The following IQSEC1 variants were observed in gnomAD, a reference collection of about 807,000 sequenced individuals.
IQSEC1 encodes IQ motif and Sec7 domain ArfGEF 1.
In IQSEC1, 31 loss-of-function variants were observed where a neutral mutation model predicts 91.0. The ratio of observed to expected loss-of-function variants is 0.34; its 90% confidence interval spans 0.26 to 0.46. The LOEUF (loss-of-function observed/expected upper bound fraction) is 0.46. IQSEC1 is among the 20% of genes least tolerant of loss of function. IQSEC1 has a pLI of 1.00. For synonymous variants in IQSEC1, 699 were observed against 662.6 expected (o/e 1.05, Z -0.84); for missense variants, 1,388 against 1,575.6 (o/e 0.88, Z 2.02).
intron 2 of IQSEC1, among the ~76,000 whole-genome samples, chr3:13,120,703 C>T (rs1706410203): frequency 6.6e-6 from 1 of 152,176 alleles, no homozygotes; most frequent in African/African-American, 2.4e-5. Flanking sequence ...GACGGGCTGG[C>T]CAGGTAGAGA....
At chr3:13,104,218 T>C (rs557593) in intron 2 of IQSEC1, among the ~76,000 whole-genome samples, 55,601 of 151,952 alleles carry the variant, frequency 0.37, 10,750 homozygotes, top group South Asian at 0.54. Context: ...GAATAAATGG[T>C]GACTTCTGCA....
At chr3:13,145,408 C>T (rs1453167595) in intron 2 of IQSEC1, among the ~76,000 whole-genome samples, 1 of 152,208 alleles carries the variant, frequency 6.6e-6, no homozygotes, top group Non-Finnish European at 1.5e-5. Context: ...CCAACCATCA[C>T]ATCTGCAGTC....
intron 1 of IQSEC1, among the ~76,000 whole-genome samples, chr3:12,961,989 A>G (rs1342661354): frequency 1.3e-5 from 2 of 152,218 alleles, no homozygotes; most frequent in Admixed American, 6.5e-5. Flanking sequence ...ATTGGGCTAA[A>G]CATCCTGCAT....
rs903060761 is a variant in IQSEC1 at position 12,983,653 on chromosome 3, C to T, written c.24-41788G>A. ...CTTCTTGGCTCAGCTCCTTCAGGGA[C>T]GCCTGGGCTGACCTCACAGGCCACG... On this transcript the variant is annotated intron_variant, in intron 1 of 13. Coordinates refer to ENST00000613206, the MANE Select transcript of IQSEC1 (RefSeq NM_001134382.3). The surrounding 1 kb of genome is among the most constrained non-coding windows in gnomAD (Gnocchi z 4.3). Among the ~76,000 whole-genome samples, 2 of 152,154 alleles carry T rather than the reference C, an allele frequency of 1.3e-5. No homozygotes were observed. Among genetic ancestry groups the T allele is most frequent in the African/African-American group, 4.8e-5 (2 of 41,428 alleles).
At chr3:12,957,956 A>G (rs1158942542) in intron 1 of IQSEC1, among the ~76,000 whole-genome samples, 1 of 152,168 alleles carries the variant, frequency 6.6e-6, no homozygotes, top group Non-Finnish European at 1.5e-5. Flanking sequence ...GTACTATATC[A>G]TCTTCCCATT....
chr3:13,130,979 AAGAG>A (rs1373789545), intron 2 of IQSEC1, among the ~76,000 whole-genome samples: 4 of 147,474 alleles, frequency 2.7e-5, no homozygotes, highest in Admixed American at 6.8e-5. Flanking sequence ...GAAGGAAAGA[AAGAG>A]AGAGAGAAAG....
intron 2 of IQSEC1, among the ~76,000 whole-genome samples, chr3:13,084,870 A>G (rs899675241): frequency 2.6e-5 from 4 of 151,554 alleles, no homozygotes; most frequent in Non-Finnish European, 5.9e-5. Context: ...TCCTGCCCTG[A>G]GAAAGTGATA....
intron 1 of IQSEC1, among the ~76,000 whole-genome samples, chr3:13,231,637 T>C (rs1021241295): frequency 6.6e-6 from 1 of 152,210 alleles, no homozygotes; most frequent in African/African-American, 2.4e-5. Flanking sequence ...TAGACACTAT[T>C]ATTCTCTATA....
intron 1 of IQSEC1, among the ~76,000 whole-genome samples, chr3:13,070,310 ATCGACAGTATCACAT>A: frequency 6.6e-6 from 1 of 152,298 alleles, no homozygotes. Flanking sequence ...GTAAAACGGG[ATCGACAGTATCACAT>A]TTTACAGCAG....
chr3:12,989,248 A>C (rs1701881709), intron 1 of IQSEC1, among the ~76,000 whole-genome samples: 1 of 152,224 alleles, frequency 6.6e-6, no homozygotes, highest in Non-Finnish European at 1.5e-5. Flanking sequence ...CCCCAGCACC[A>C]AACTGAAAAT....
chr3:13,192,640 C>T (rs1475747064), intron 1 of IQSEC1, among the ~76,000 whole-genome samples: 1 of 152,248 alleles, frequency 6.6e-6, no homozygotes, highest in Non-Finnish European at 1.5e-5. Flanking sequence ...CCCAAGAGGA[C>T]TCACCCTGCA....
chr3:13,127,877 T>C (rs1206571317), intron 2 of IQSEC1, among the ~76,000 whole-genome samples: 1 of 152,250 alleles, frequency 6.6e-6, no homozygotes, highest in Admixed American at 6.5e-5. Context: ...ATTCTGTACA[T>C]GTTTTGTTAG....
intron 1 of IQSEC1, among the ~76,000 whole-genome samples, chr3:13,181,187 C>T (rs531741613): frequency 1.1e-4 from 16 of 152,306 alleles, no homozygotes; most frequent in South Asian, 4.1e-4. Flanking sequence ...AGGAGAATGG[C>T]GCAAACTCGG....
intron 1 of IQSEC1, among the ~76,000 whole-genome samples, chr3:13,268,578 G>C (rs1695536442): frequency 6.6e-6 from 1 of 152,144 alleles, no homozygotes; most frequent in Non-Finnish European, 1.5e-5. Flanking sequence ...GTGCAGATGA[G>C]ACTGCACTGA....
intron 1 of IQSEC1, among the ~76,000 whole-genome samples, chr3:13,052,761 T>C (rs968969465): frequency 6.6e-6 from 1 of 151,992 alleles, no homozygotes; most frequent in Non-Finnish European, 1.5e-5. Flanking sequence ...GTGCCATGTC[T>C]GTTTTTTTTT....
chr3:13,045,916 A>G (rs1704477141), intron 1 of IQSEC1, among the ~76,000 whole-genome samples: 1 of 152,238 alleles, frequency 6.6e-6, no homozygotes, highest in Non-Finnish European at 1.5e-5. Context: ...ATGTGTCAAA[A>G]TGGGGGCTGT....
intron 2 of IQSEC1, among the ~76,000 whole-genome samples, chr3:12,939,634 C>T (rs1358171250): frequency 6.6e-6 from 1 of 152,136 alleles, no homozygotes; most frequent in African/African-American, 2.4e-5. Context: ...CCCTTGATGT[C>T]GCCTCCTCCC....
chr3:13,183,449 C>T (rs1308106334), intron 1 of IQSEC1, among the ~76,000 whole-genome samples: 2 of 145,452 alleles, frequency 1.4e-5, no homozygotes, highest in Non-Finnish European at 2.9e-5. Context: ...GCCTGTGGTC[C>T]CAGCTACTTG....
intron 1 of IQSEC1, among the ~76,000 whole-genome samples, chr3:12,974,475 G>C (rs977176069): frequency 6.6e-6 from 1 of 152,206 alleles, no homozygotes; most frequent in African/African-American, 2.4e-5. Flanking sequence ...GGGTGAGCTG[G>C]ACTGCCTCTC....
Sources: allele counts gnomAD v4.1 joint callset (sites outside exome capture counted in the v4.1 genomes callset), GRCh38; gene constraint gnomAD v4.1.1; non-coding constraint Gnocchi (gnomAD v3.1); transcripts MANE v1.5; gene names NCBI Gene and HGNC (gene_info 2026-07-23, HGNC 2026-07-21).